CSMD1: variants seen among roughly 807,000 people sequenced by gnomAD.
CSMD1 encodes CUB and Sushi multiple domains 1, also known as CUB and sushi domain-containing protein 1.
A neutral mutation model predicts 417.5 loss-of-function variants in CSMD1; 213 were observed. That is an observed-to-expected ratio of 0.51 (90% CI 0.46 to 0.57). The LOEUF is 0.57. Among genes scored for constraint, CSMD1 ranks in the 20% least tolerant of loss-of-function variants. The probability of loss-of-function intolerance (pLI) is 0.00; values close to 1 mark genes in which losing one functional copy is unlikely to be tolerated. For synonymous variants in CSMD1, 2,862 were observed against 1,736.8 expected (o/e 1.65, Z -16.11); for missense variants, 6,923 against 4,529.7 (o/e 1.53, Z -15.17).
intron 3 of CSMD1, among the ~76,000 whole-genome samples, chr8:4,377,075 T>C (rs1017754246): frequency 1.3e-5 from 2 of 152,214 alleles, no homozygotes; most frequent in Non-Finnish European, 2.9e-5. Flanking sequence ...CTTCTGTTGC[T>C]TTCATACATT....
chr8:3,372,364 G>A (rs934430655), intron 18 of CSMD1, among the ~76,000 whole-genome samples: 2 of 152,110 alleles, frequency 1.3e-5, no homozygotes, highest in Admixed American at 1.3e-4. Flanking sequence ...TGACATGATG[G>A]GGCACTGGAT....
In CSMD1 at chr8:3,406,047, G is replaced by C; in HGVS notation, c.2246C>G (p.Ser749Cys). The change falls in exon 15 of 70, where the codon TCC (serine) becomes TGC (cysteine). Residue 749 changes from serine (S) to cysteine (C), a missense_variant. Ser to Cys is a moderately radical substitution (Grantham distance 112). Coordinates refer to ENST00000635120, the MANE Select transcript of CSMD1 (RefSeq NM_033225.6). ...ILQDGNVVWS[S>C]TVPRCEAPCG... ...TGCACCTTCACAGCGGGGCACGGTG[G>C]AGCTCCAGACCACGTTCCCGTCTTG... is the stretch of plus-strand genomic sequence containing the variant. 2 of 1,613,902 alleles carry C rather than the reference G, an allele frequency of 1.2e-6. No individual in the cohort carries two copies. Among genetic ancestry groups the C allele is most frequent in the Non-Finnish European group, 1.7e-6 (2 of 1,179,858 alleles).
At chr8:2,964,702 TA>T (rs1375591601) in intron 59 of CSMD1, among the ~76,000 whole-genome samples, 1 of 152,220 alleles carries the variant, frequency 6.6e-6, no homozygotes, top group East Asian at 1.9e-4. Context: ...TAGCGTCAGC[TA>T]TATCACAGGT....
At chr8:3,379,948 G>C (rs1810531664) in intron 18 of CSMD1, among the ~76,000 whole-genome samples, 2 of 152,262 alleles carry the variant, frequency 1.3e-5, no homozygotes, top group African/African-American at 4.8e-5. Context: ...ACCTCAGAGT[G>C]AACAGGCAAC....
chr8:4,388,764 T>C (rs937627814), intron 3 of CSMD1, among the ~76,000 whole-genome samples: 3 of 152,166 alleles, frequency 2.0e-5, no homozygotes, highest in African/African-American at 7.2e-5. Context: ...AAATAAAACC[T>C]GTCTTTCTGT....
chr8:4,360,310 C>T (rs1801677168), intron 3 of CSMD1, among the ~76,000 whole-genome samples: 1 of 152,190 alleles, frequency 6.6e-6, no homozygotes, highest in African/African-American at 2.4e-5. Flanking sequence ...ATGCATCCAG[C>T]TCCATGGGAA....
chr8:4,289,193 T>C (rs1325512185), intron 3 of CSMD1, among the ~76,000 whole-genome samples: 1 of 152,202 alleles, frequency 6.6e-6, no homozygotes, highest in Non-Finnish European at 1.5e-5. Flanking sequence ...ATCGGACAAA[T>C]ACTCTTTACC....
chr8:4,501,291 T>G (rs1283807052), intron 2 of CSMD1, among the ~76,000 whole-genome samples: 1 of 152,128 alleles, frequency 6.6e-6, no homozygotes, highest in Non-Finnish European at 1.5e-5. Context: ...ACAGGATGCT[T>G]AAAAACATGA....
chr8:3,035,571 G>A (rs1318087276), intron 50 of CSMD1, among the ~76,000 whole-genome samples: 2 of 152,130 alleles, frequency 1.3e-5, no homozygotes, highest in African/African-American at 4.8e-5. Flanking sequence ...TTCAGGAATT[G>A]AATCGACAAG....
chr8:4,244,535 TTC>T (rs1238307621), intron 3 of CSMD1, among the ~76,000 whole-genome samples: 7 of 152,230 alleles, frequency 4.6e-5, no homozygotes, highest in African/African-American at 7.2e-5. Context: ...AAAATTTTCT[TTC>T]TTTTTTCTTA....
At chr8:4,528,554 G>A (rs998309049) in intron 2 of CSMD1, among the ~76,000 whole-genome samples, 4 of 152,142 alleles carry the variant, frequency 2.6e-5, no homozygotes, top group South Asian at 2.1e-4. Flanking sequence ...TGCTAAAAGG[G>A]TAGATCTTAT....
At chr8:3,251,762 C>G (rs1441691686) in intron 26 of CSMD1, among the ~76,000 whole-genome samples, 2 of 152,068 alleles carry the variant, frequency 1.3e-5, no homozygotes, top group African/African-American at 4.8e-5. Flanking sequence ...TGTAGTTCTC[C>G]TTGAAGAGGT....
chr8:3,871,674 G>C (rs1450295481), intron 5 of CSMD1, among the ~76,000 whole-genome samples: 3 of 151,980 alleles, frequency 2.0e-5, no homozygotes, highest in Admixed American at 2.0e-4. Context: ...TTTTCATACA[G>C]AGGTCAATCA....
intron 25 of CSMD1, 44 bp downstream of exon 25, chr8:3,307,651 A>G (rs184310174): frequency 2.3e-5 from 36 of 1,586,048 alleles, no homozygotes; most frequent in East Asian, 1.1e-4. Flanking sequence ...AATAGAAGGC[A>G]TATCTCTTTT....
intron 4 of CSMD1, among the ~76,000 whole-genome samples, chr8:4,020,993 T>A (rs1460947093): frequency 6.6e-6 from 1 of 152,210 alleles, no homozygotes; most frequent in African/African-American, 2.4e-5. Flanking sequence ...TCAGTCTTTA[T>A]GATTAAACTG....
At chr8:4,974,793 A>T (rs1393700926) in intron 1 of CSMD1, among the ~76,000 whole-genome samples, 2 of 152,156 alleles carry the variant, frequency 1.3e-5, no homozygotes, top group Non-Finnish European at 2.9e-5. Flanking sequence ...TCAGGAAAAT[A>T]TGGGATGATA....
At chr8:3,997,115 A>G (rs1026024413) in intron 5 of CSMD1, among the ~76,000 whole-genome samples, 2 of 152,234 alleles carry the variant, frequency 1.3e-5, no homozygotes, top group Non-Finnish European at 2.9e-5. Flanking sequence ...TAACTGAAGC[A>G]GTTTTAAAGT....
rs559267436 is a variant in CSMD1 at position 3,288,777 on chromosome 8, G to A, written c.3951-4431C>T. On this transcript the variant is annotated intron_variant, in intron 25 of 69. Transcript: ENST00000635120. ...TCCTGGATTCATTGATTTTTTGAAG[G>A]GTTTTTCTCTTTTTTATATAGACTA... 1.5e-4 allele frequency among the ~76,000 whole-genome samples: 22 copies of A among 146,148 alleles called. 1 individual carries two copies. In the South Asian group the frequency reaches 4.6e-3, roughly 31 times the overall value.
chr8:3,453,278 T>TAA (rs1314899457), intron 12 of CSMD1, among the ~76,000 whole-genome samples: 1 of 151,878 alleles, frequency 6.6e-6, no homozygotes, highest in Admixed American at 6.6e-5. Flanking sequence ...CTGGATTCAT[T>TAA]TTTTTTGAAG....
Sources: allele counts gnomAD v4.1 joint callset (sites outside exome capture counted in the v4.1 genomes callset), GRCh38; gene constraint gnomAD v4.1.1; transcripts MANE v1.5; gene names NCBI Gene and HGNC (gene_info 2026-07-23, HGNC 2026-07-21).